Variants in DMD observed in about 807,000 individuals in gnomAD.
The protein encoded by DMD is dystrophin, also known as mutant dystrophin.
DMD carries 63 observed loss-of-function variants against 330.1 expected under a neutral mutation model. The observed-to-expected ratio is 0.19, with a 90% CI of 0.16 to 0.24. The LOEUF is 0.24. Among genes scored for constraint, DMD ranks in the 10% least tolerant of loss-of-function variants. The probability of loss-of-function intolerance (pLI) is 1.00; values close to 1 mark genes in which losing one functional copy is unlikely to be tolerated. For synonymous variants in DMD, 1,223 were observed against 959.8 expected (o/e 1.27, Z -5.07); for missense variants, 3,344 against 2,684.1 (o/e 1.25, Z -5.43).
intron 2 of DMD, among the ~76,000 whole-genome samples, chrX:32,871,995 T>C (rs1482309452): frequency 9.1e-6 from 1 of 110,470 alleles, no homozygotes; most frequent in Admixed American, 9.7e-5. Flanking sequence ...CCAGGCATGA[T>C]TAAATTGGTA....
chrX:31,431,249 CAAACTG>C lies in DMD; in HGVS notation c.9084+13226_9084+13231del, dbSNP rs1442305283. On this transcript the variant is annotated intron_variant, in intron 60 of 78. Coordinates refer to ENST00000357033, the MANE Select transcript of DMD (RefSeq NM_004006.3). Reference sequence around the variant, plus strand: ...AGGTGAATATTTAGAAAGACTAAATCAAACTGAGATAATAAAGAAATATAAGCTATA... The same window carrying C: ...AGGTGAATATTTAGAAAGACTAAATCAGATAATAAAGAAATATAAGCTATA... 3.6e-5 allele frequency among the ~76,000 whole-genome samples: 4 copies of C among 111,383 alleles called. No individual in the cohort carries two copies. The East Asian group carries it at 1.1e-3, about 31-fold the overall frequency.
chrX:33,053,972 T>C (rs1187770644), intron 1 of DMD, among the ~76,000 whole-genome samples: 1 of 111,936 alleles, frequency 8.9e-6, no homozygotes, highest in African/African-American at 3.3e-5. Flanking sequence ...AATGAGAATT[T>C]GGCATAATGA....
intron 61 of DMD, among the ~76,000 whole-genome samples, chrX:31,326,614 A>G (rs946773485): frequency 1.8e-5 from 2 of 109,963 alleles, no homozygotes; most frequent in Admixed American, 9.7e-5. Context: ...AAAAAGGAAA[A>G]TAACAACAGC....
rs191895679 is a variant in DMD, at chrX:32,648,578, T to C, written c.961-3426A>G. Reference sequence around the variant, plus strand: ...ATGTATATGTATATATGTTCTAAGGTGAGATTAAACTTTTTTCTGCAGTTT... The same window carrying C: ...ATGTATATGTATATATGTTCTAAGGCGAGATTAAACTTTTTTCTGCAGTTT... On this transcript the variant is annotated intron_variant, in intron 9 of 78. Coordinates refer to ENST00000357033, the MANE Select transcript of DMD (RefSeq NM_004006.3). 1.9e-4 allele frequency among the ~76,000 whole-genome samples: 21 copies of C among 111,855 alleles called. No homozygotes were observed. In the East Asian group the frequency reaches 3.3e-3, roughly 18 times the overall value.
chrX:32,929,184 T>TG (rs747904788), intron 2 of DMD, among the ~76,000 whole-genome samples: 11 of 110,800 alleles, frequency 9.9e-5, no homozygotes, highest in Non-Finnish European at 1.7e-4. Context: ...TTGAGACTGA[T>TG]GGGGGGACAC....
chrX:32,568,170 T>A (rs2051964342), intron 15 of DMD, among the ~76,000 whole-genome samples: 1 of 111,770 alleles, frequency 8.9e-6, no homozygotes. Flanking sequence ...TTAAGCCACA[T>A]GAAGAAACAT....
At chrX:32,117,401 A>G (rs745441244) in intron 44 of DMD, among the ~76,000 whole-genome samples, 1 of 112,001 alleles carries the variant, frequency 8.9e-6, no homozygotes, top group East Asian at 2.8e-4. Context: ...TTATTCTACT[A>G]ATACGGTTCC....
chrX:32,668,151 A>G (rs767209803), intron 9 of DMD, among the ~76,000 whole-genome samples: 96 of 103,624 alleles, frequency 9.3e-4, no homozygotes, highest in Non-Finnish European at 1.5e-3. Flanking sequence ...CCATCTCGGG[A>G]AAAAAAAAAA....
chrX:31,866,045 A>G (rs1347366035), intron 48 of DMD, among the ~76,000 whole-genome samples: 2 of 111,295 alleles, frequency 1.8e-5, no homozygotes, highest in African/African-American at 6.5e-5. Context: ...ATGAACTTCA[A>G]TGGCCTCTTC....
intron 60 of DMD, among the ~76,000 whole-genome samples, chrX:31,349,271 G>A (rs1322186567): frequency 8.9e-6 from 1 of 112,069 alleles, no homozygotes. Context: ...GTGAAAACCC[G>A]TCTCTACTAG....
chrX:31,124,143 T>G (rs2033268107), intron 78 of DMD, among the ~76,000 whole-genome samples: 1 of 112,095 alleles, frequency 8.9e-6, no homozygotes, highest in Non-Finnish European at 1.9e-5. Context: ...TGGGTGGCCT[T>G]TAACCGGTTT....
intron 17 of DMD, among the ~76,000 whole-genome samples, chrX:32,528,820 C>A (rs768233759): frequency 6.5e-4 from 72 of 110,307 alleles, no homozygotes; most frequent in African/African-American, 1.5e-3. Context: ...AATTGTCAAC[C>A]AGAAAATGTT....
chrX:33,181,661 C>T lies in DMD; in HGVS notation c.31+29621G>A, dbSNP rs577523329. On this transcript the variant is annotated intron_variant, in intron 1 of 78. Coordinates refer to ENST00000357033, the MANE Select transcript of DMD (RefSeq NM_004006.3). ...TATACACAAAGCTCTTATTACAGTA[C>T]GTAGCACAAAGTAAGTACTCAAAAT... 6.3e-5 allele frequency among the ~76,000 whole-genome samples: 7 copies of T among 111,998 alleles called. No homozygotes were observed. The South Asian group carries it at 1.5e-3, about 24-fold the overall frequency.
At chrX:32,642,376 C>A (rs1425699343) in intron 11 of DMD, among the ~76,000 whole-genome samples, 1 of 112,062 alleles carries the variant, frequency 8.9e-6, no homozygotes, top group Non-Finnish European at 1.9e-5. Flanking sequence ...AATAATTATT[C>A]TAAAAGCTGT....
At chrX:31,193,017 C>T (rs1276458262) in intron 67 of DMD, among the ~76,000 whole-genome samples, 34 of 111,858 alleles carry the variant, frequency 3.0e-4, no homozygotes, top group Non-Finnish European at 1.9e-5. Flanking sequence ...ACTTATATCT[C>T]ATCTGATCAA....
intron 44 of DMD, among the ~76,000 whole-genome samples, chrX:32,120,597 G>A (rs1270734365): frequency 1.8e-5 from 2 of 111,918 alleles, no homozygotes; most frequent in African/African-American, 3.3e-5. Context: ...CAACACATTC[G>A]TGAGCATAAA....
intron 63 of DMD, among the ~76,000 whole-genome samples, chrX:31,246,144 G>C (rs1468881713): frequency 8.9e-6 from 1 of 112,361 alleles, no homozygotes; most frequent in African/African-American, 3.2e-5. Flanking sequence ...TATGGAGAAA[G>C]TTTGAGTGCT....
intron 29 of DMD, among the ~76,000 whole-genome samples, chrX:32,433,667 G>T (rs1201022307): frequency 9.0e-6 from 1 of 111,188 alleles, no homozygotes; most frequent in Non-Finnish European, 1.9e-5. Flanking sequence ...AACAGGGAAA[G>T]ACTCCATCTC....
intron 1 of DMD, among the ~76,000 whole-genome samples, chrX:33,223,110 G>A (rs1231052954): frequency 2.7e-5 from 3 of 111,649 alleles, no homozygotes; most frequent in Non-Finnish European, 5.6e-5. Flanking sequence ...AGGAGTATGA[G>A]ACCAGCCTGG....
Sources: allele counts gnomAD v4.1 joint callset (sites outside exome capture counted in the v4.1 genomes callset), GRCh38; gene constraint gnomAD v4.1.1; transcripts MANE v1.5; gene names NCBI Gene and HGNC (gene_info 2026-07-23, HGNC 2026-07-21).